DYNC1I1: variants seen among roughly 807,000 people sequenced by gnomAD.
The protein encoded by DYNC1I1 is cytoplasmic dynein 1 intermediate chain 1.
Under a neutral mutation model 86.6 loss-of-function variants are expected in DYNC1I1, and 43 were observed. The ratio of observed to expected loss-of-function variants is 0.50; its 90% CI spans 0.39 to 0.64. DYNC1I1 has a LOEUF of 0.64. Ranked by LOEUF, DYNC1I1 falls within the 30% of genes least tolerant of loss-of-function variation. The pLI, the probability that DYNC1I1 is intolerant of heterozygous loss-of-function variation, is 0.00. For missense variants in DYNC1I1, 604 were observed against 788.8 expected (o/e 0.77, Z 2.81); for synonymous variants, 262 against 283.7 (o/e 0.92, Z 0.77).
downstream of DYNC1I1, among the ~76,000 whole-genome samples, chr7:96,100,056 T>G (rs1360446564): frequency 6.6e-6 from 1 of 152,150 alleles, no homozygotes; most frequent in Non-Finnish European, 1.5e-5. Context: ...GCCTTTCAGA[T>G]TTCCTATTGC....
At chr7:95,985,627 A>T (rs544453629) in intron 8 of DYNC1I1, among the ~76,000 whole-genome samples, 1 of 152,322 alleles carries the variant, frequency 6.6e-6, no homozygotes, top group South Asian at 2.1e-4. Context: ...TATGAGCCTT[A>T]TAAACATAAA....
intron 5 of DYNC1I1, among the ~76,000 whole-genome samples, chr7:95,863,178 T>C (rs1318981356): frequency 6.6e-6 from 1 of 152,190 alleles, no homozygotes; most frequent in Non-Finnish European, 1.5e-5. Flanking sequence ...TGAAATCTTA[T>C]CCATCAATAG....
intron 5 of DYNC1I1, among the ~76,000 whole-genome samples, chr7:95,857,378 G>A (rs1789753189): frequency 6.6e-6 from 1 of 152,154 alleles, no homozygotes; most frequent in Admixed American, 6.5e-5. Flanking sequence ...AGGAGTATGT[G>A]CAGAAACATT....
At chr7:95,941,916 A>T (rs897035528) in intron 6 of DYNC1I1, among the ~76,000 whole-genome samples, 41 of 152,222 alleles carry the variant, frequency 2.7e-4, no homozygotes, top group Non-Finnish European at 3.2e-4. Flanking sequence ...GGAGCTGTAG[A>T]CCGGAGCTGT....
At chr7:95,924,814 G>A (rs1449158588) in intron 6 of DYNC1I1, among the ~76,000 whole-genome samples, 1 of 152,156 alleles carries the variant, frequency 6.6e-6, no homozygotes, top group South Asian at 2.1e-4. Context: ...AAGAAATACC[G>A]TAAACTGCAT....
intron 1 of DYNC1I1, among the ~76,000 whole-genome samples, chr7:95,792,646 T>C (rs1413958544): frequency 6.6e-6 from 1 of 152,222 alleles, no homozygotes; most frequent in Admixed American, 6.5e-5. Flanking sequence ...TCCCATACCA[T>C]GTAAAACTTA....
chr7:95,896,010 G>A (rs77087750), intron 6 of DYNC1I1, among the ~76,000 whole-genome samples: 1,584 of 152,312 alleles, frequency 0.01, 17 homozygotes, highest in African/African-American at 0.036. Flanking sequence ...TCTGAGAGAA[G>A]AGCCGGCAGA....
At chr7:95,774,521 G>A (rs1018014453) in intron 1 of DYNC1I1, among the ~76,000 whole-genome samples, 1 of 152,042 alleles carries the variant, frequency 6.6e-6, no homozygotes, top group Non-Finnish European at 1.5e-5. Flanking sequence ...AAATAAACTC[G>A]ACCCGCAGGA....
chr7:96,012,247 G>T (rs902058493), intron 10 of DYNC1I1, among the ~76,000 whole-genome samples: 4 of 151,948 alleles, frequency 2.6e-5, no homozygotes, highest in African/African-American at 9.7e-5. Flanking sequence ...GAAGGAAGAG[G>T]GTATATGCAC....
At chr7:95,955,139 C>T (rs771183282) in intron 6 of DYNC1I1, among the ~76,000 whole-genome samples, 3 of 152,074 alleles carry the variant, frequency 2.0e-5, no homozygotes, top group South Asian at 2.1e-4. Flanking sequence ...TCCAGGCATT[C>T]ATGCTGGTTT....
intron 6 of DYNC1I1, among the ~76,000 whole-genome samples, chr7:95,952,120 C>T (rs771895252): frequency 4.6e-5 from 7 of 152,002 alleles, no homozygotes; most frequent in Non-Finnish European, 8.8e-5. Flanking sequence ...TCATTTTCTC[C>T]CTTATTTTCT....
intron 5 of DYNC1I1, among the ~76,000 whole-genome samples, chr7:95,856,798 G>A (rs1393069655): frequency 6.6e-6 from 1 of 152,024 alleles, no homozygotes; most frequent in Non-Finnish European, 1.5e-5. Flanking sequence ...GGCCAAGATG[G>A]TGAAACCCCA....
chr7:95,961,450 T>G (rs776426334), intron 6 of DYNC1I1, among the ~76,000 whole-genome samples: 35 of 152,364 alleles, frequency 2.3e-4, no homozygotes, highest in Non-Finnish European at 3.1e-4. Flanking sequence ...CAACATGCTA[T>G]GTGGTTTGCA....
chr7:95,812,295 A>G (rs1794848116), intron 3 of DYNC1I1, among the ~76,000 whole-genome samples: 1 of 152,198 alleles, frequency 6.6e-6, no homozygotes, highest in Non-Finnish European at 1.5e-5. Flanking sequence ...CTTCTCTGGC[A>G]TATGTGATAT....
chr7:96,059,954 T>A (rs1457353569), intron 14 of DYNC1I1, among the ~76,000 whole-genome samples: 1 of 152,168 alleles, frequency 6.6e-6, no homozygotes, highest in Non-Finnish European at 1.5e-5. Flanking sequence ...TTCTAAAGGG[T>A]AATGAGAAGC....
At chr7:96,057,566 C>T (rs1789615821) in intron 14 of DYNC1I1, among the ~76,000 whole-genome samples, 2 of 152,128 alleles carry the variant, frequency 1.3e-5, no homozygotes, top group Admixed American at 1.3e-4. Context: ...ATGCAACACT[C>T]CTATAGTCAG....
rs112561103 is a variant in DYNC1I1, at chr7:95,933,418, T to G, written c.491-44094T>G. On this transcript the variant is annotated intron_variant, in intron 6 of 16. Transcript: ENST00000447467. ...GAAGCAGCCTCAGATGAAGCCATTTTAGCCATTGATGTGTCTCAAAAGGGT... is the reference window on the plus strand; with the variant it reads ...GAAGCAGCCTCAGATGAAGCCATTTGAGCCATTGATGTGTCTCAAAAGGGT... 3.7e-3 allele frequency among the ~76,000 whole-genome samples: 570 copies of G among 152,318 alleles called. 6 individuals carry two copies. Among genetic ancestry groups the G allele is most frequent in the African/African-American group, 0.013 (543 of 41,572 alleles).
At chr7:95,836,193 G>T (rs1234621963) in intron 5 of DYNC1I1, among the ~76,000 whole-genome samples, 1 of 151,892 alleles carries the variant, frequency 6.6e-6, no homozygotes, top group African/African-American at 2.4e-5. Context: ...CTCAGCATTT[G>T]CTTGTCTGTA....
At chr7:95,882,617 C>T (rs1278350845) in intron 6 of DYNC1I1, among the ~76,000 whole-genome samples, 4 of 152,172 alleles carry the variant, frequency 2.6e-5, no homozygotes, top group Non-Finnish European at 5.9e-5. Context: ...GTAATCATTA[C>T]TAGAAGTGTC....
Sources: allele counts gnomAD v4.1 joint callset (sites outside exome capture counted in the v4.1 genomes callset), GRCh38; gene constraint gnomAD v4.1.1; transcripts MANE v1.5; gene names NCBI Gene and HGNC (gene_info 2026-07-23, HGNC 2026-07-21).